Variants in UBE2E2 observed in about 807,000 individuals in gnomAD.
UBE2E2 encodes ubiquitin conjugating enzyme E2 E2.
In UBE2E2, 6 loss-of-function variants were observed where a neutral mutation model predicts 24.7. That is an observed-to-expected ratio of 0.24 (90% CI 0.13 to 0.48). The LOEUF (loss-of-function observed/expected upper bound fraction) is 0.48. Among genes scored for constraint, UBE2E2 ranks in the 20% least tolerant of loss-of-function variants. UBE2E2 has a pLI of 0.99. For missense variants in UBE2E2, 169 were observed against 245.0 expected, an observed-to-expected ratio of 0.69 and a Z score of 2.07; for synonymous variants, 104 against 83.6, an observed-to-expected ratio of 1.24 and a Z score of -1.33.
At chr3:23,354,966 C>A (rs980183087) in intron 3 of UBE2E2, among the ~76,000 whole-genome samples, 13 of 151,940 alleles carry the variant, frequency 8.6e-5, no homozygotes, top group African/African-American at 2.7e-4. Flanking sequence ...ATAGCAAAGA[C>A]TTGGAACCAA....
chr3:23,223,423 C>G (rs1696719403), intron 3 of UBE2E2, among the ~76,000 whole-genome samples: 2 of 151,994 alleles, frequency 1.3e-5, no homozygotes, highest in African/African-American at 4.8e-5. Context: ...AAACTCCTGA[C>G]CTCAAGTGAT....
At chr3:23,581,345 T>C (rs909291403) in intron 5 of UBE2E2, among the ~76,000 whole-genome samples, 4 of 152,144 alleles carry the variant, frequency 2.6e-5, no homozygotes, top group African/African-American at 9.7e-5. Flanking sequence ...GGTTAAAGCA[T>C]GAGGGGAGGA....
chr3:23,223,927 G>A (rs1018656871), intron 3 of UBE2E2, among the ~76,000 whole-genome samples: 2 of 152,084 alleles, frequency 1.3e-5, no homozygotes, highest in African/African-American at 4.8e-5. Context: ...GCGTGTTATT[G>A]ATGCCTTTGT....
At chr3:23,255,551 A>T (rs1219566790) in intron 3 of UBE2E2, among the ~76,000 whole-genome samples, 1 of 152,134 alleles carries the variant, frequency 6.6e-6, no homozygotes, top group African/African-American at 2.4e-5. Context: ...CTCAAAGGGG[A>T]TTGAGAAATA....
chr3:23,331,310 C>T (rs1402045449), intron 3 of UBE2E2, among the ~76,000 whole-genome samples: 1 of 152,116 alleles, frequency 6.6e-6, no homozygotes, highest in Non-Finnish European at 1.5e-5. Context: ...GGTTTAGGTG[C>T]ATTGTTTAGG....
chr3:23,225,005 G>A (rs560170523), intron 3 of UBE2E2, among the ~76,000 whole-genome samples: 1 of 150,952 alleles, frequency 6.6e-6, no homozygotes, highest in African/African-American at 2.4e-5. Flanking sequence ...ATATGAAGTG[G>A]TATTTTGTTG....
chr3:23,227,311 A>G (rs1445773679), intron 3 of UBE2E2, among the ~76,000 whole-genome samples: 2 of 152,086 alleles, frequency 1.3e-5, no homozygotes, highest in African/African-American at 2.4e-5. Context: ...CCTCTTTTAT[A>G]TCCATATCTT....
chr3:23,317,481 GT>G (rs1694614063), intron 3 of UBE2E2, among the ~76,000 whole-genome samples: 1 of 152,138 alleles, frequency 6.6e-6, no homozygotes, highest in Admixed American at 6.6e-5. Flanking sequence ...GTATTAGTCT[GT>G]TTTCACACTG....
intron 3 of UBE2E2, among the ~76,000 whole-genome samples, chr3:23,369,571 A>C (rs770578470): frequency 1.3e-5 from 2 of 152,170 alleles, no homozygotes; most frequent in Non-Finnish European, 2.9e-5. Context: ...AGCATGTTTC[A>C]GAACTACCAA....
At chr3:23,488,200 C>CTTTTT (rs11352255) in intron 3 of UBE2E2, among the ~76,000 whole-genome samples, 1 of 140,222 alleles carries the variant, frequency 7.1e-6, no homozygotes. Flanking sequence ...GATTACATTT[C>CTTTTT]TTTTTTTTTT....
intron 3 of UBE2E2, among the ~76,000 whole-genome samples, chr3:23,457,071 A>G (rs1559389285): frequency 6.6e-6 from 1 of 152,226 alleles, no homozygotes; most frequent in Non-Finnish European, 1.5e-5. Context: ...CTTCCTGAAC[A>G]ATGGTGAAAA....
chr3:23,523,616 T>C, intron 4 of UBE2E2, among the ~76,000 whole-genome samples: 1 of 15,272 alleles, frequency 6.5e-5, no homozygotes, highest in Non-Finnish European at 1.6e-4. Flanking sequence ...TCCTATGGGG[T>C]GGGGGGCTGG....
intron 3 of UBE2E2, among the ~76,000 whole-genome samples, chr3:23,498,106 C>G (rs904520985): frequency 1.6e-4 from 25 of 151,792 alleles, no homozygotes; most frequent in African/African-American, 5.8e-4. Flanking sequence ...ATGTCTATGT[C>G]TTTTTTAATA....
At chr3:23,345,119 A>G (rs1695512971) in intron 3 of UBE2E2, among the ~76,000 whole-genome samples, 1 of 152,198 alleles carries the variant, frequency 6.6e-6, no homozygotes, top group African/African-American at 2.4e-5. Context: ...CTCTGACTAG[A>G]GATCAATTGT....
intron 4 of UBE2E2, among the ~76,000 whole-genome samples, chr3:23,514,922 A>G (rs1694695041): frequency 6.6e-6 from 1 of 152,178 alleles, no homozygotes; most frequent in Non-Finnish European, 1.5e-5. Flanking sequence ...CTTCAGTTTC[A>G]GTATTGGGTC....
rs549815648 is a variant in UBE2E2 at position 23,290,938 on chromosome 3, T to G, written c.227+73626T>G. 1.5e-3 allele frequency among the ~76,000 whole-genome samples: 224 copies of G among 149,594 alleles called. 1 individual carries two copies. Among genetic ancestry groups the G allele is most frequent in the African/African-American group, 5.3e-3 (216 of 40,688 alleles). On this transcript the variant is annotated intron_variant, in intron 3 of 5. Coordinates refer to ENST00000396703, the MANE Select transcript of UBE2E2 (RefSeq NM_152653.4). ...TTAGCCGGGCATGGTGGCATGTACC[T>G]GTAGCCTGTAGTCTCAGCTACTTGG...
At chr3:23,298,786 G>A (rs1698987150) in intron 3 of UBE2E2, among the ~76,000 whole-genome samples, 1 of 152,132 alleles carries the variant, frequency 6.6e-6, no homozygotes, top group Admixed American at 6.5e-5. Context: ...TTGGTATCAG[G>A]ATGATGCTGG....
chr3:23,436,769 T>C (rs1698194945), intron 3 of UBE2E2, among the ~76,000 whole-genome samples: 1 of 152,192 alleles, frequency 6.6e-6, no homozygotes, highest in African/African-American at 2.4e-5. Flanking sequence ...GAAACTGGCA[T>C]ACCACAGGTC....
At chr3:23,406,241 T>A (rs1697354038) in intron 3 of UBE2E2, among the ~76,000 whole-genome samples, 2 of 152,232 alleles carry the variant, frequency 1.3e-5, no homozygotes, top group African/African-American at 4.8e-5. Context: ...TTTCTCTTGC[T>A]GCCTTCCTTT....
Sources: gnomAD v4.1 joint callset for allele counts (sites outside exome capture counted in the v4.1 genomes callset) on GRCh38, gnomAD v4.1.1 for gene constraint, MANE v1.5 for transcripts, NCBI Gene and HGNC (gene_info 2026-07-23, HGNC 2026-07-21) for gene names.